MINDY4: variants seen among roughly 807,000 people sequenced by gnomAD.
The protein encoded by MINDY4 is MINDY lysine 48 deubiquitinase 4, also known as probable ubiquitin carboxyl-terminal hydrolase MINDY-4.
MINDY4 carries 68 observed loss-of-function variants against 87.0 expected under a neutral mutation model. The observed-to-expected ratio is 0.78, with a 90% CI of 0.64 to 0.96. The LOEUF (loss-of-function observed/expected upper bound fraction) is 0.96. MINDY4 is among the 40% of genes least tolerant of loss of function. The pLI is 0.00. For missense variants in MINDY4, 919 were observed against 928.2 expected, an observed-to-expected ratio of 0.99 and a Z score of 0.13; for synonymous variants, 379 against 363.2, an observed-to-expected ratio of 1.04 and a Z score of -0.50.
At chr7:30,809,822 T>C (rs1201815418) in intron 5 of MINDY4, among the ~76,000 whole-genome samples, 3 of 151,480 alleles carry the variant, frequency 2.0e-5, no homozygotes, top group Non-Finnish European at 4.4e-5. Context: ...GCAGAATTTA[T>C]GTAAAAAGAG....
intron 2 of MINDY4, chr7:30,781,645 A>G: frequency 4.2e-6 from 1 of 240,520 alleles, no homozygotes; most frequent in Non-Finnish European, 8.0e-6. Context: ...TATATATTTT[A>G]TAAAGTTATT....
intron 15 of MINDY4, among the ~76,000 whole-genome samples, chr7:30,878,418 A>G (rs1469148861): frequency 6.6e-6 from 1 of 152,122 alleles, no homozygotes; most frequent in Admixed American, 6.5e-5. Flanking sequence ...CCCTGCCATA[A>G]GTAACTGGTC....
Position 30,866,539 on chromosome 7 carries a change from G to A in MINDY4, c.1746-5704G>A, listed in dbSNP as rs141570642. Among the ~76,000 whole-genome samples the A allele has an allele frequency of 2.1e-3, 324 of 152,346 alleles. 1 individual carries two copies. Among genetic ancestry groups the A allele is most frequent in the African/African-American group, 7.1e-3 (294 of 41,576 alleles). On this transcript the variant is annotated intron_variant, in intron 13 of 17. Coordinates refer to ENST00000265299, the MANE Select transcript of MINDY4 (RefSeq NM_032222.3). Reference sequence around the variant, plus strand: ...CTAGCCCTCAAAGTCCTTGCCACCTGGAGAGGCAAGACCAGTGTGTGAAAA... The same window carrying A: ...CTAGCCCTCAAAGTCCTTGCCACCTAGAGAGGCAAGACCAGTGTGTGAAAA...
At chr7:30,882,055 A>C in intron 15 of MINDY4, 126 bp from the exon 16 acceptor site, 1 of 957,828 alleles carries the variant, frequency 1.0e-6, no homozygotes. Context: ...GGCTCCCAGC[A>C]TCAGACACAA....
intron 17 of MINDY4, among the ~76,000 whole-genome samples, chr7:30,883,238 G>T (rs1790526581): frequency 6.6e-6 from 1 of 152,218 alleles, no homozygotes; most frequent in Non-Finnish European, 1.5e-5. Context: ...ATGGTTGGGG[G>T]TGGGGGCTAA....
At chr7:30,873,875 C>T (rs1790183262) in intron 14 of MINDY4, among the ~76,000 whole-genome samples, 1 of 152,210 alleles carries the variant, frequency 6.6e-6, no homozygotes, top group African/African-American at 2.4e-5. Context: ...CAGACATTTC[C>T]TCCAAATTCT....
intron 5 of MINDY4, among the ~76,000 whole-genome samples, chr7:30,803,723 C>T (rs1010014217): frequency 2.6e-5 from 4 of 152,152 alleles, no homozygotes; most frequent in African/African-American, 9.7e-5. Context: ...TTGCTGGTAT[C>T]CCTGGGGTCT....
At position 30,850,469 on chromosome 7, in the gene MINDY4, A is replaced by T. The variant is rs1320017695; in HGVS notation, c.1461A>T (p.Ser487=). The change falls in exon 10 of 18, where the codon TCA becomes TCT. Residue 487 remains serine (S), a synonymous_variant. Transcript: ENST00000265299. Reference sequence around the variant, plus strand: ...TTGTCCGCAGGGGACTGCAGCCTTCAGATGCCCACCGGACCCGCTGCCTCG... The same window carrying T: ...TTGTCCGCAGGGGACTGCAGCCTTCTGATGCCCACCGGACCCGCTGCCTCG... ...KADCAQGLQP[S]DAHRTRCLVL... 6.2e-7 allele frequency: 1 copy of T among 1,612,246 alleles called. No homozygotes were observed. Among genetic ancestry groups the T allele is most frequent in the Non-Finnish European group, 8.5e-7 (1 of 1,179,388 alleles).
chr7:30,843,335 T>C (rs1048687188), intron 9 of MINDY4, among the ~76,000 whole-genome samples: 3 of 151,990 alleles, frequency 2.0e-5, no homozygotes, highest in Non-Finnish European at 4.4e-5. Context: ...GGGTGGGAGC[T>C]GGGGTAGTGG....
chr7:30,789,768 G>A (rs1787265681), intron 4 of MINDY4, among the ~76,000 whole-genome samples: 2 of 152,196 alleles, frequency 1.3e-5, no homozygotes, highest in South Asian at 2.1e-4. Flanking sequence ...GAGAGGTTCA[G>A]AATTTTAAAC....
At position 30,781,607 on chromosome 7, in the gene MINDY4, T is replaced by C. The variant is rs1480567790; in HGVS notation, c.184-370T>C. The C allele has an allele frequency of 1.0e-4, 20 of 196,836 alleles. No individual in the cohort carries two copies. In the South Asian group the frequency reaches 2.0e-3, roughly 19 times the overall value. The allele number at this position is 196,836 out of a possible 1,614,324, so 12.2% of individuals were successfully genotyped here. On this transcript the variant is annotated intron_variant, in intron 2 of 17. Coordinates refer to ENST00000265299, the MANE Select transcript of MINDY4 (RefSeq NM_032222.3). Reference sequence around the variant, plus strand: ...ATGAATCTGTAGGGTTAGTGTTCCCTACAGACTCCGTTTTTTAAATGAAGG... The same window carrying C: ...ATGAATCTGTAGGGTTAGTGTTCCCCACAGACTCCGTTTTTTAAATGAAGG...
chr7:30,794,031 A>G (rs1212741903), intron 5 of MINDY4, among the ~76,000 whole-genome samples: 1 of 152,164 alleles, frequency 6.6e-6, no homozygotes, highest in Admixed American at 6.5e-5. Context: ...ATCCAAGGGC[A>G]CACAGACTGG....
chr7:30,881,287 C>T (rs1209414945), intron 15 of MINDY4, among the ~76,000 whole-genome samples: 2 of 152,200 alleles, frequency 1.3e-5, no homozygotes, highest in East Asian at 3.8e-4. Context: ...AGTCAAGATG[C>T]TAGCAACGTG....
At chr7:30,827,754 C>T (rs575900435) in intron 5 of MINDY4, among the ~76,000 whole-genome samples, 2 of 152,274 alleles carry the variant, frequency 1.3e-5, no homozygotes, top group African/African-American at 2.4e-5. Flanking sequence ...CGTCCTCTAG[C>T]TCTTCCATTC....
At position 30,878,759 on chromosome 7, in the gene MINDY4, C is replaced by T. The variant is rs1488248142; in HGVS notation, c.1971+3103C>T. The stretch of plus-strand genomic sequence containing the variant: ...GAAAACAGCTTGACGGGCAAGAGTT[C>T]TGAAAGCTCCATCCTCCTCCCATCC... On this transcript the variant is annotated intron_variant, in intron 15 of 17. Transcript: ENST00000265299. Among the ~76,000 whole-genome samples, 3 of 152,090 alleles carry T rather than the reference C, an allele frequency of 2.0e-5. No homozygotes were observed. The East Asian group carries it at 5.8e-4, about 29-fold the overall frequency.
rs371454713 is a variant in MINDY4 at position 30,822,627 on chromosome 7, T to TTTATTTATTTATTTATTTA, written c.1074-6050_1074-6049insATTTATTTATTTATTTATT. On this transcript the variant is annotated intron_variant, in intron 5 of 17. Transcript: ENST00000265299. ...TTGTCTTGGTTGACGTGCCTGTCTA[T>TTTATTTATTTATTTATTTA]TTTATTTATTTATTTATTTATTTAT... is the stretch of plus-strand genomic sequence containing the variant. Among the ~76,000 whole-genome samples, 400 of 145,728 alleles carry TTTATTTATTTATTTATTTA rather than the reference T, an allele frequency of 2.7e-3. 1 individual carries two copies. The highest frequency in any genetic ancestry group is 0.016 in the East Asian group (79 of 4,936).
At chr7:30,886,301 A>C (rs942227191) in intron 17 of MINDY4, among the ~76,000 whole-genome samples, 1 of 152,198 alleles carries the variant, frequency 6.6e-6, no homozygotes, top group Non-Finnish European at 1.5e-5. Context: ...CAGCTGAGTA[A>C]GACTTGGCTC....
At chr7:30,816,611 G>GC (rs1243316933) in intron 5 of MINDY4, among the ~76,000 whole-genome samples, 5 of 45,868 alleles carry the variant, frequency 1.1e-4, no homozygotes, top group Admixed American at 2.1e-4. Context: ...CCTCCCTCCC[G>GC]CCCCCCTGCC....
rs147612628 is a variant in MINDY4 at position 30,832,664 on chromosome 7, C to T, written c.1132+3927C>T. The stretch of plus-strand genomic sequence containing the variant: ...AACTGGGATTACAGGCCCGTGCCAC[C>T]ACACCTGGCTAATTTTTGTATTTTT... On this transcript the variant is annotated intron_variant, in intron 6 of 17. Transcript: ENST00000265299. Among the ~76,000 whole-genome samples the T allele has an allele frequency of 4.0e-3, 611 of 152,294 alleles. 8 individuals are homozygous for T. The highest frequency in any genetic ancestry group is 0.014 in the African/African-American group (568 of 41,566).
Sources: allele counts gnomAD v4.1 joint callset (sites outside exome capture counted in the v4.1 genomes callset), GRCh38; gene constraint gnomAD v4.1.1; transcripts MANE v1.5; gene names NCBI Gene and HGNC (gene_info 2026-07-23, HGNC 2026-07-21).